Variants in FAR2 observed in about 807,000 individuals in gnomAD.
FAR2 encodes fatty acyl-CoA reductase 2.
A neutral mutation model predicts 56.0 loss-of-function variants in FAR2; 19 were observed. That is an observed-to-expected ratio of 0.34 (90% CI 0.24 to 0.50). The LOEUF (loss-of-function observed/expected upper bound fraction) is 0.50, where lower values mean the gene tolerates loss of function less well. FAR2 is among the 20% of genes least tolerant of loss of function. The pLI is 0.98. For missense variants in FAR2, 508 were observed against 642.2 expected, an observed-to-expected ratio of 0.79 and a Z score of 2.26; for synonymous variants, 219 against 218.8, an observed-to-expected ratio of 1.00 and a Z score of -0.01.
chr12:29,290,722 CATT>C (rs919426220), intron 2 of FAR2, among the ~76,000 whole-genome samples: 21 of 152,122 alleles, frequency 1.4e-4, no homozygotes, highest in African/African-American at 5.1e-4. Flanking sequence ...AAATGGAGGT[CATT>C]ATGCTAAGTG....
intron 1 of FAR2, among the ~76,000 whole-genome samples, chr12:29,183,141 A>G (rs1216608790): frequency 2.0e-5 from 3 of 152,136 alleles, no homozygotes; most frequent in Admixed American, 6.5e-5. Context: ...ATATCGTTTT[A>G]GAAATACCCC....
chr12:29,302,237 A>G (rs895145205), intron 4 of FAR2, among the ~76,000 whole-genome samples: 3 of 16,898 alleles, frequency 1.8e-4, no homozygotes, highest in Non-Finnish European at 2.6e-4. Flanking sequence ...ATCTCAAAGG[A>G]AAAAAAAAAA....
intron 10 of FAR2, among the ~76,000 whole-genome samples, chr12:29,326,365 C>T (rs1481020179): frequency 6.6e-6 from 1 of 152,084 alleles, no homozygotes; most frequent in Non-Finnish European, 1.5e-5. Context: ...CTATTCCAAT[C>T]AATAGAAAAA....
At chr12:29,324,123 C>T (rs974200049) in intron 10 of FAR2, among the ~76,000 whole-genome samples, 4 of 151,980 alleles carry the variant, frequency 2.6e-5, no homozygotes, top group African/African-American at 7.3e-5. Flanking sequence ...GTAACCGATG[C>T]GATCAACTGG....
chr12:29,181,136 C>T (rs1204339238), intron 1 of FAR2, among the ~76,000 whole-genome samples: 1 of 152,070 alleles, frequency 6.6e-6, no homozygotes, highest in African/African-American at 2.4e-5. Flanking sequence ...TGCTTAGAAT[C>T]TTTCAAATAC....
chr12:29,217,231 G>A (rs772933141), intron 1 of FAR2, among the ~76,000 whole-genome samples: 9 of 152,182 alleles, frequency 5.9e-5, no homozygotes, highest in Admixed American at 1.3e-4. Flanking sequence ...GTGAATGCTA[G>A]AGGTCACTTT....
At chr12:29,266,575 A>G (rs1948520012) in intron 1 of FAR2, among the ~76,000 whole-genome samples, 1 of 152,108 alleles carries the variant, frequency 6.6e-6, no homozygotes, top group African/African-American at 2.4e-5. Context: ...AGGATCTAGT[A>G]TTTGATATCA....
At chr12:29,159,887 G>A (rs1008476820) in intron 1 of FAR2, among the ~76,000 whole-genome samples, 7 of 152,218 alleles carry the variant, frequency 4.6e-5, no homozygotes, top group African/African-American at 7.2e-5. Flanking sequence ...GAATGATACC[G>A]TTGAATCTTG....
chr12:29,218,416 T>G (rs559583096), intron 1 of FAR2, among the ~76,000 whole-genome samples: 26 of 150,732 alleles, frequency 1.7e-4, no homozygotes, highest in African/African-American at 6.3e-4. Flanking sequence ...AAAGAATCTG[T>G]GAACTTGAAG....
At chr12:29,224,945 G>T (rs1947740868) in intron 1 of FAR2, among the ~76,000 whole-genome samples, 1 of 152,204 alleles carries the variant, frequency 6.6e-6, no homozygotes, top group Non-Finnish European at 1.5e-5. Flanking sequence ...AGAGCCGAGT[G>T]TAGTGACTCA....
chr12:29,273,372 C>A (rs568840636), intron 2 of FAR2, among the ~76,000 whole-genome samples: 23 of 152,322 alleles, frequency 1.5e-4, no homozygotes, highest in South Asian at 6.2e-4. Context: ...GCCCCTCCCC[C>A]ACCAACGAGG....
intron 1 of FAR2, among the ~76,000 whole-genome samples, chr12:29,208,264 G>T (rs1947499797): frequency 6.6e-6 from 1 of 152,156 alleles, no homozygotes; most frequent in South Asian, 2.1e-4. Flanking sequence ...AAGACCATGG[G>T]CACTGCTGGT....
chr12:29,165,229 A>G (rs1412431668), intron 1 of FAR2, among the ~76,000 whole-genome samples: 1 of 152,196 alleles, frequency 6.6e-6, no homozygotes, highest in Admixed American at 6.5e-5. Context: ...CAAGTTTGCA[A>G]TAGTTTATTT....
intron 1 of FAR2, among the ~76,000 whole-genome samples, chr12:29,159,176 T>C (rs1471544114): frequency 1.3e-5 from 2 of 152,180 alleles, no homozygotes; most frequent in Non-Finnish European, 1.5e-5. Context: ...TTTTCCCTTC[T>C]TCCCTCTTCT....
At chr12:29,312,653 G>A (rs1240013737) in intron 8 of FAR2, among the ~76,000 whole-genome samples, 1 of 152,148 alleles carries the variant, frequency 6.6e-6, no homozygotes, top group Admixed American at 6.5e-5. Flanking sequence ...TAAAGGATTG[G>A]ATCTGTTCAA....
chr12:29,169,713 A>C (rs1335599662), intron 1 of FAR2, among the ~76,000 whole-genome samples: 1 of 152,204 alleles, frequency 6.6e-6, no homozygotes, highest in African/African-American at 2.4e-5. Context: ...ACTGCTGCCA[A>C]AGAGTCTATT....
At chr12:29,256,743 G>C (rs955146235) in intron 1 of FAR2, among the ~76,000 whole-genome samples, 1 of 152,192 alleles carries the variant, frequency 6.6e-6, no homozygotes, top group Non-Finnish European at 1.5e-5. Flanking sequence ...CGGAGCACTC[G>C]GCCGGCCCTG....
At chr12:29,159,337 G>A (rs1156478471) in intron 1 of FAR2, among the ~76,000 whole-genome samples, 1 of 152,048 alleles carries the variant, frequency 6.6e-6, no homozygotes, top group Non-Finnish European at 1.5e-5. Context: ...AGGAGATCGA[G>A]ACCATCCAGG....
intron 1 of FAR2, among the ~76,000 whole-genome samples, chr12:29,195,279 T>C (rs908563746): frequency 6.6e-6 from 1 of 152,236 alleles, no homozygotes; most frequent in Non-Finnish European, 1.5e-5. Context: ...TTTTAACTCA[T>C]AGTGTTCCAA....
Sources: allele counts gnomAD v4.1 joint callset (sites outside exome capture counted in the v4.1 genomes callset), GRCh38; gene constraint gnomAD v4.1.1; transcripts MANE v1.5; gene names NCBI Gene and HGNC (gene_info 2026-07-23, HGNC 2026-07-21).